Variants in UBR1 observed in about 807,000 individuals in gnomAD.
The protein encoded by UBR1 is ubiquitin protein ligase E3 component n-recognin 1, also known as E3 ubiquitin-protein ligase UBR1.
UBR1 carries 102 observed loss-of-function variants against 242.1 expected under a neutral mutation model. The observed-to-expected ratio is 0.42, with a 90% confidence interval of 0.36 to 0.50. The LOEUF is 0.50. UBR1 is among the 20% of genes least tolerant of loss of function. UBR1 has a pLI of 0.01. For synonymous variants in UBR1, 675 were observed against 684.8 expected (o/e 0.99, Z 0.22); for missense variants, 1,772 against 2,101.8 (o/e 0.84, Z 3.07).
Position 43,047,210 on chromosome 15 carries a change from A to T in UBR1, c.1619T>A (p.Met540Lys), listed in dbSNP as rs747271855. 1.2e-6 allele frequency: 2 copies of T among 1,614,182 alleles called. No individual in the cohort carries two copies. Among genetic ancestry groups the T allele is most frequent in the South Asian group, 1.1e-5 (1 of 91,086 alleles). Residue 540 changes from methionine to lysine, a missense_variant, in exon 14 of 47, where the codon ATG becomes AAG. Met to Lys is a moderately conservative substitution (Grantham distance 95, BLOSUM62 -1). Coordinates refer to ENST00000290650, the MANE Select transcript of UBR1 (RefSeq NM_174916.3). The part of the protein sequence containing the change: ...PDWEAAIAIQ[M>K]QLKNILLMFQ... ...CATGAGTAAAATATTCTTCAATTGC[A>T]TCTGTATAGCAATGGCAGCCTCCCA...
At chr15:42,962,250 G>T (rs560770744) in intron 42 of UBR1, among the ~76,000 whole-genome samples, 87 of 152,298 alleles carry the variant, frequency 5.7e-4, no homozygotes, top group African/African-American at 2.0e-3. Flanking sequence ...TAATAAAAGT[G>T]ATGGAAGGGC....
chr15:43,025,294 C>CCAA, intron 24 of UBR1, 87 bp downstream of exon 24: 2 of 1,376,590 alleles, frequency 1.5e-6, no homozygotes, highest in Non-Finnish European at 2.0e-6. Context: ...CTCTCAAAAA[C>CCAA]CAACAACAAC....
rs985718652 is a variant in UBR1 at position 43,071,076 on chromosome 15, A to C, written c.529-151T>G. 17 of 1,122,758 alleles carry C rather than the reference A, an allele frequency of 1.5e-5. No homozygotes were observed. The African/African-American group carries it at 2.6e-4, about 17-fold the overall frequency. The allele number at this position is 1,122,758 out of a possible 1,614,324, so 69.5% of individuals were successfully genotyped here. A position where few individuals can be genotyped will look rare whatever the true frequency, so the allele number is the denominator to read the frequency against. Reference sequence around the variant, plus strand: ...AAGTTGAGCTCAAGAGGGTTGCTATATATTTAGATCAGTTTAGCTTAACCC... The same window carrying C: ...AAGTTGAGCTCAAGAGGGTTGCTATCTATTTAGATCAGTTTAGCTTAACCC... On this transcript the variant is annotated intron_variant, in intron 4 of 46. Transcript: ENST00000290650.
intron 28 of UBR1, 68 bp downstream of exon 28, chr15:43,017,027 T>C: frequency 7.8e-7 from 1 of 1,289,658 alleles, no homozygotes; most frequent in Non-Finnish European, 1.1e-6. Flanking sequence ...AGTAGCTCCC[T>C]TATACCAGTA....
intron 3 of UBR1, among the ~76,000 whole-genome samples, 174 bp from the exon 4 acceptor site, chr15:43,075,263 C>T (rs1049839450): frequency 6.6e-6 from 1 of 152,116 alleles, no homozygotes; most frequent in African/African-American, 2.4e-5. Flanking sequence ...AAAAAACAAA[C>T]CAACAAACCA....
chr15:42,992,024 T>C (rs2032563994), intron 33 of UBR1, among the ~76,000 whole-genome samples: 1 of 152,208 alleles, frequency 6.6e-6, no homozygotes, highest in Non-Finnish European at 1.5e-5. Context: ...AGTGCTGTTA[T>C]TATAGGCCTG....
intron 1 of UBR1, among the ~76,000 whole-genome samples, chr15:43,094,456 C>A (rs2034137051): frequency 6.6e-6 from 1 of 151,344 alleles, no homozygotes; most frequent in Admixed American, 6.6e-5. Context: ...AACAAACAAA[C>A]AACAAAAACA....
At chr15:43,009,116 T>C (rs2032878209) in intron 29 of UBR1, among the ~76,000 whole-genome samples, 2 of 152,212 alleles carry the variant, frequency 1.3e-5, no homozygotes, top group African/African-American at 4.8e-5. Flanking sequence ...GCTTGCCACG[T>C]TGCAGGTGAC....
chr15:43,015,211 GT>G (rs2033002175), intron 29 of UBR1, among the ~76,000 whole-genome samples: 1 of 152,246 alleles, frequency 6.6e-6, no homozygotes, highest in East Asian at 1.9e-4. Context: ...AGGGGGAAAG[GT>G]GGGGAAAAGA....
rs772182516 is a variant in UBR1, at chr15:42,963,144, G to A, written c.4700+791C>T. ...TTCTTAAACAATTCATTTTGATCAC[G>A]CTAGAGATCAGAATATTTCGAGAGA... On this transcript the variant is annotated intron_variant, in intron 42 of 46. Transcript: ENST00000290650. 3.6e-4 allele frequency among the ~76,000 whole-genome samples: 55 copies of A among 152,098 alleles called. 1 individual carries two copies. Among genetic ancestry groups the A allele is most frequent in the Non-Finnish European group, 7.5e-4 (51 of 68,030 alleles).
chr15:43,070,824 T>C lies in UBR1; in HGVS notation c.630A>G (p.Glu210=). ...TCTGGAGTTCAGGAGGCAGTTCTTT[T>C]TCCTCTTCCCATATAGTCATTTCTA... ...YVVEMTIWEE[E]KELPPELQIR... Residue 210 remains glutamate (E), a synonymous_variant, in exon 5 of 47, where the codon GAA becomes GAG. Coordinates refer to ENST00000290650, the MANE Select transcript of UBR1 (RefSeq NM_174916.3). 1 of 1,613,768 alleles carries C rather than the reference T, an allele frequency of 6.2e-7. No individual in the cohort carries two copies. Among genetic ancestry groups the C allele is most frequent in the Non-Finnish European group, 8.5e-7 (1 of 1,179,978 alleles).
chr15:43,104,688 T>A (rs2034276050), intron 1 of UBR1, among the ~76,000 whole-genome samples: 1 of 151,594 alleles, frequency 6.6e-6, no homozygotes, highest in African/African-American at 2.4e-5. Flanking sequence ...CAATGTTCAA[T>A]TGTATGCAGG....
intron 45 of UBR1, 38 bp downstream of exon 45, chr15:42,952,240 A>G: frequency 6.2e-7 from 1 of 1,613,832 alleles, no homozygotes; most frequent in African/African-American, 1.3e-5. Flanking sequence ...CAGATTCCTT[A>G]AGTTCATCAT....
At chr15:43,040,191 T>TCAAACTATACTA (rs1185020649) in intron 15 of UBR1, among the ~76,000 whole-genome samples, 10 of 152,120 alleles carry the variant, frequency 6.6e-5, no homozygotes, top group Admixed American at 2.0e-4. Context: ...CTACCTGACT[T>TCAAACTATACTA]CAAACTATAC....
At chr15:43,057,286 A>G (rs1345919867) in intron 10 of UBR1, among the ~76,000 whole-genome samples, 1 of 152,238 alleles carries the variant, frequency 6.6e-6, no homozygotes, top group Non-Finnish European at 1.5e-5. Flanking sequence ...TTAAGTCTGC[A>G]TATAAAATCC....
At chr15:42,977,200 AT>A (rs2032304308) in intron 38 of UBR1, among the ~76,000 whole-genome samples, 1 of 152,130 alleles carries the variant, frequency 6.6e-6, no homozygotes, top group Non-Finnish European at 1.5e-5. Flanking sequence ...GTCCAACCAA[AT>A]GAGAATCTCT....
At chr15:43,045,598 G>A (rs1173837756) in intron 14 of UBR1, among the ~76,000 whole-genome samples, 1 of 152,114 alleles carries the variant, frequency 6.6e-6, no homozygotes, top group African/African-American at 2.4e-5. Context: ...CTAAGTGGTA[G>A]AAATACAAGA....
At chr15:42,956,483 C>T (rs1202964048) in intron 44 of UBR1, among the ~76,000 whole-genome samples, 1 of 152,198 alleles carries the variant, frequency 6.6e-6, no homozygotes, top group East Asian at 1.9e-4. Context: ...CCACACCTGG[C>T]TAATTTTTGT....
intron 35 of UBR1, among the ~76,000 whole-genome samples, chr15:42,987,942 A>G (rs942966689): frequency 1.3e-5 from 2 of 152,130 alleles, no homozygotes; most frequent in African/African-American, 2.4e-5. Flanking sequence ...CCTTGTCCCT[A>G]TAACGAACAA....
Sources: gnomAD v4.1 joint callset for allele counts (sites outside exome capture counted in the v4.1 genomes callset) on GRCh38, gnomAD v4.1.1 for gene constraint, MANE v1.5 for transcripts, NCBI Gene and HGNC (gene_info 2026-07-23, HGNC 2026-07-21) for gene names.